Variants in FABP12 observed in about 807,000 individuals in gnomAD.
The protein encoded by FABP12 is fatty acid binding protein 12, also known as fatty acid-binding protein 12.
Under a neutral mutation model 13.7 loss-of-function variants are expected in FABP12, and 19 were observed. The observed-to-expected ratio is 1.39, with a 90% CI of 0.97 to 2.04. The LOEUF is 2.04. Ranked by LOEUF, FABP12 falls within the 30% of genes most tolerant of loss-of-function variation. The pLI is 0.00. For missense variants in FABP12, 182 were observed against 164.2 expected (o/e 1.11, Z -0.59); for synonymous variants, 61 against 57.0 (o/e 1.07, Z -0.32).
chr8:81,532,018 T>G (rs904551086), intron 1 of FABP12, among the ~76,000 whole-genome samples: 1 of 152,056 alleles, frequency 6.6e-6, no homozygotes, highest in Non-Finnish European at 1.5e-5. Flanking sequence ...TCCCAACGGT[T>G]TAGAGAGCCA....
rs146878432 is a variant in FABP12, at chr8:81,568,665, C to G, written c.-185+21388G>C. Among the ~76,000 whole-genome samples, 299 of 152,104 alleles carry G rather than the reference C, an allele frequency of 2.0e-3. 1 individual carries two copies. Among genetic ancestry groups the G allele is most frequent in the Middle Eastern group, 6.8e-3 (2 of 294 alleles). ...AAATAGAGGAAATCAGTATATCAGA[C>G]GTATCTACACTCCCATGTTTATTGC... On this transcript the variant is annotated intron_variant, in intron 1 of 5. Transcript: ENST00000692030.
At chr8:81,568,776 A>C (rs1348723503) in intron 1 of FABP12, among the ~76,000 whole-genome samples, 3 of 152,262 alleles carry the variant, frequency 2.0e-5, no homozygotes, top group Non-Finnish European at 2.9e-5. Flanking sequence ...GTACATATAC[A>C]CAATGGAATA....
chr8:81,557,447 T>C (rs1809638728), intron 1 of FABP12, among the ~76,000 whole-genome samples: 1 of 152,202 alleles, frequency 6.6e-6, no homozygotes, highest in South Asian at 2.1e-4. Context: ...TATCCCTTCA[T>C]CATTCTTATC....
intron 1 of FABP12, among the ~76,000 whole-genome samples, chr8:81,582,409 C>G (rs899781622): frequency 6.6e-5 from 10 of 152,064 alleles, no homozygotes; most frequent in Non-Finnish European, 1.2e-4. Flanking sequence ...GCGTGAGCCA[C>G]TGCACCCAGC....
chr8:81,570,405 C>A (rs769308824), intron 1 of FABP12, among the ~76,000 whole-genome samples: 1 of 152,172 alleles, frequency 6.6e-6, no homozygotes, highest in Non-Finnish European at 1.5e-5. Flanking sequence ...CATGCAGACA[C>A]GTGAAGGGTG....
At chr8:81,558,350 C>T (rs368693781) in intron 1 of FABP12, among the ~76,000 whole-genome samples, 16 of 152,184 alleles carry the variant, frequency 1.1e-4, no homozygotes, top group African/African-American at 3.1e-4. Flanking sequence ...CCTTAGGTAA[C>T]GGATTTTGAG....
intron 2 of FABP12, among the ~76,000 whole-genome samples, chr8:81,530,291 A>G (rs1809031583): frequency 6.6e-6 from 1 of 152,116 alleles, no homozygotes; most frequent in African/African-American, 2.4e-5. Flanking sequence ...AAAATTTTCC[A>G]TGTCACTCTA....
chr8:81,545,659 G>C (rs1055464713), intron 1 of FABP12, among the ~76,000 whole-genome samples: 1 of 152,104 alleles, frequency 6.6e-6, no homozygotes, highest in East Asian at 1.9e-4. Flanking sequence ...GGATGACCCC[G>C]ATTATTTCTC....
At chr8:81,558,358 G>A (rs147362826) in intron 1 of FABP12, among the ~76,000 whole-genome samples, 30 of 152,258 alleles carry the variant, frequency 2.0e-4, no homozygotes, top group Admixed American at 1.4e-3. Context: ...AACGGATTTT[G>A]AGCAATTTGC....
intron 1 of FABP12, among the ~76,000 whole-genome samples, chr8:81,568,129 CAAA>C (rs751713921): frequency 2.0e-5 from 2 of 99,490 alleles, no homozygotes. Flanking sequence ...GACTCCGTCT[CAAA>C]AAAAAAAAAA....
intron 1 of FABP12, among the ~76,000 whole-genome samples, chr8:81,589,943 T>C (rs575948211): frequency 6.6e-6 from 1 of 152,314 alleles, no homozygotes; most frequent in South Asian, 2.1e-4. Context: ...ACATGAAAAA[T>C]TCCAGACAAC....
At chr8:81,557,633 A>G (rs1809641188) in intron 1 of FABP12, among the ~76,000 whole-genome samples, 1 of 152,244 alleles carries the variant, frequency 6.6e-6, no homozygotes, top group African/African-American at 2.4e-5. Context: ...TCTGAAATCA[A>G]TTAAAATCTT....
intron 1 of FABP12, among the ~76,000 whole-genome samples, chr8:81,556,353 T>G (rs1809615532): frequency 6.6e-6 from 1 of 152,200 alleles, no homozygotes; most frequent in South Asian, 2.1e-4. Context: ...TAAAAATACC[T>G]TCATTGACTG....
intron 1 of FABP12, among the ~76,000 whole-genome samples, chr8:81,568,445 T>C (rs1318788910): frequency 6.6e-6 from 1 of 152,198 alleles, no homozygotes; most frequent in Non-Finnish European, 1.5e-5. Flanking sequence ...TAACCTCAGT[T>C]AAAAATGGAT....
At chr8:81,556,879 C>CT (rs11338781) in intron 1 of FABP12, among the ~76,000 whole-genome samples, 2,165 of 109,224 alleles carry the variant, frequency 0.02, 61 homozygotes, top group African/African-American at 0.047. Context: ...AAGTGTACAT[C>CT]TTTTTTTTTT....
At chr8:81,545,907 C>T (rs1563548155) in intron 1 of FABP12, among the ~76,000 whole-genome samples, 1 of 152,164 alleles carries the variant, frequency 6.6e-6, no homozygotes, top group East Asian at 1.9e-4. Flanking sequence ...GTCATAGGTC[C>T]ACTCTCTACC....
chr8:81,559,853 G>A (rs928301172), intron 1 of FABP12, among the ~76,000 whole-genome samples: 1 of 152,162 alleles, frequency 6.6e-6, no homozygotes, highest in Admixed American at 6.5e-5. Flanking sequence ...TCTAGCTCAG[G>A]AGGAAGCAAT....
chr8:81,579,986 T>C (rs1277276556), intron 1 of FABP12, among the ~76,000 whole-genome samples: 3 of 152,200 alleles, frequency 2.0e-5, no homozygotes, highest in African/African-American at 7.2e-5. Flanking sequence ...GCTGTAAACA[T>C]ACTGGTTTAA....
upstream of FABP12, among the ~76,000 whole-genome samples, chr8:81,535,271 G>A: frequency 6.6e-6 from 1 of 152,132 alleles, no homozygotes; most frequent in East Asian, 1.9e-4. Context: ...CCCAATTTCT[G>A]TCATTCCTCA....
Sources: allele counts gnomAD v4.1 joint callset (sites outside exome capture counted in the v4.1 genomes callset), GRCh38; gene constraint gnomAD v4.1.1; transcripts MANE v1.5; gene names NCBI Gene and HGNC (gene_info 2026-07-23, HGNC 2026-07-21).